The following POM121 variants were observed in gnomAD, a reference collection of about 807,000 sequenced individuals.
POM121 encodes nuclear envelope pore membrane protein POM 121.
Under a neutral mutation model 81.3 loss-of-function variants are expected in POM121, and 32 were observed. That is an observed-to-expected ratio of 0.39 (90% CI 0.30 to 0.53). The LOEUF (loss-of-function observed/expected upper bound fraction) is 0.53, where lower values mean the gene tolerates loss of function less well. Among genes scored for constraint, POM121 ranks in the 20% least tolerant of loss-of-function variants. The probability of loss-of-function intolerance (pLI) is 0.66; values close to 1 mark genes in which losing one functional copy is unlikely to be tolerated. For missense variants in POM121, 1,138 were observed against 1,614.6 expected, an observed-to-expected ratio of 0.70 and a Z score of 5.06; for synonymous variants, 514 against 694.2, an observed-to-expected ratio of 0.74 and a Z score of 4.08.
Position 72,943,027 on chromosome 7 carries a change from C to A in POM121, c.3034C>A (p.Pro1012Thr), listed in dbSNP as rs148845443. 1.2e-6 allele frequency: 2 copies of A among 1,613,670 alleles called. No homozygotes were observed. Among genetic ancestry groups the A allele is most frequent in the African/African-American group, 1.3e-5 (1 of 74,934 alleles). ...GGCTGCTGCACCCACACCTGCACCT[C>A]CGTCCATGATCAAGGTCGTGCCTGC... ...APAAAPTPAPPSMIKVVPAYV... is the reference protein window; with the variant it reads ...APAAAPTPAPTSMIKVVPAYV... Residue 1012 changes from proline (P) to threonine (T), a missense_variant, in exon 11 of 13, where the codon CCG becomes ACG. Around this residue, in one of 7 missense-constraint regions of POM121, gnomAD observed 336 missense variants for 344.3 expected, o/e 0.98. Transcript: ENST00000434423.
intron 4 of POM121, among the ~76,000 whole-genome samples, chr7:72,917,567 T>C (rs1231081241): frequency 1.3e-5 from 2 of 152,298 alleles, no homozygotes; most frequent in African/African-American, 4.8e-5. Context: ...GAAGTCTGTA[T>C]TAGTTTGCTA....
chr7:72,879,991 G>A (rs1586048337), intron 1 of POM121: 2 of 385,342 alleles, frequency 5.2e-6, no homozygotes, highest in East Asian at 8.0e-5. Context: ...ATTGCTTGCC[G>A]GAGAGACATG....
intron 3 of POM121, among the ~76,000 whole-genome samples, chr7:72,898,908 C>T (rs1323263912): frequency 2.0e-5 from 3 of 148,362 alleles, no homozygotes; most frequent in Non-Finnish European, 4.4e-5. Context: ...CTCCGACTGG[C>T]GAGGGTGAGT....
In POM121 at chr7:72,889,303, A is replaced by G. The variant is rs188866271; in HGVS notation, c.-520-1324A>G. 1.2e-4 allele frequency among the ~76,000 whole-genome samples: 19 copies of G among 152,312 alleles called. No homozygotes were observed. In the East Asian group the frequency reaches 3.3e-3, roughly 26 times the overall value. On this transcript the variant is annotated intron_variant, in intron 1 of 15. Coordinates refer to the POM121 transcript ENST00000395270. ...GGCTCTGCCTCTGCTATCTCTTGGG[A>G]TCTACATGGTCCTAGCTGTATCACT...
intron 3 of POM121, among the ~76,000 whole-genome samples, chr7:72,902,080 C>A (rs1251474500): frequency 6.6e-6 from 1 of 150,408 alleles, no homozygotes; most frequent in Non-Finnish European, 1.5e-5. Flanking sequence ...CCATTGCACT[C>A]AAGCTTAGGC....
At chr7:72,917,181 A>G (rs1794366064) in intron 4 of POM121, among the ~76,000 whole-genome samples, 1 of 152,210 alleles carries the variant, frequency 6.6e-6, no homozygotes, top group Non-Finnish European at 1.5e-5. Context: ...TATCATTTTC[A>G]TGTGTGGTCA....
intron 1 of POM121, chr7:72,890,561 T>G: frequency 6.4e-7 from 1 of 1,567,668 alleles, no homozygotes; most frequent in South Asian, 1.1e-5. Flanking sequence ...ACCAGTGAGC[T>G]TTGTAAAATG....
rs781850869 is a variant in POM121, at chr7:72,946,168, G to A, written c.3684G>A (p.Ala1228=). 11 of 1,611,700 alleles carry A rather than the reference G, an allele frequency of 6.8e-6. No homozygotes were observed. The highest frequency in any genetic ancestry group is 6.7e-5 in the Admixed American group (4 of 59,986). The change falls in exon 13 of 13, where the codon GCG becomes GCA. Residue 1228 remains alanine, a synonymous_variant. Coordinates refer to ENST00000434423, the MANE Select transcript of POM121 (RefSeq NM_001387691.1). ...CGGCCCTTTCATTTTCCATTGGTGC[G>A]GGATCCAAGACCCCAGGGGCTCGAC... ...GSAALSFSIG[A]GSKTPGARQR... is the part of the protein sequence containing the mutation.
At chr7:72,936,378 A>G (rs1279028235) in intron 5 of POM121, among the ~76,000 whole-genome samples, 2 of 151,192 alleles carry the variant, frequency 1.3e-5, no homozygotes, top group African/African-American at 4.9e-5. Flanking sequence ...TCTGTCTCCC[A>G]GCCATTCTCC....
intron 4 of POM121, among the ~76,000 whole-genome samples, chr7:72,928,997 T>C (rs1428428814): frequency 6.6e-6 from 1 of 152,234 alleles, no homozygotes; most frequent in African/African-American, 2.4e-5. Flanking sequence ...CTGCCTTCCG[T>C]AGTTCTGCTC....
intron 3 of POM121, among the ~76,000 whole-genome samples, chr7:72,891,506 A>G (rs1241714932): frequency 6.6e-6 from 1 of 152,170 alleles, no homozygotes; most frequent in Admixed American, 6.5e-5. Flanking sequence ...TCCCAGGTTC[A>G]AGCGATTCTC....
chr7:72,932,348 T>C (rs1554498761), intron 5 of POM121, among the ~76,000 whole-genome samples: 1 of 151,630 alleles, frequency 6.6e-6, no homozygotes, highest in Admixed American at 6.6e-5. Flanking sequence ...GTAGACAGTA[T>C]ATACAGATTT....
chr7:72,941,455 C>T lies in POM121; in HGVS notation c.1844-382C>T, dbSNP rs551904969. Among the ~76,000 whole-genome samples, 22 of 148,494 alleles carry T rather than the reference C, an allele frequency of 1.5e-4. No individual in the cohort carries two copies. In the East Asian group the frequency reaches 4.0e-3, roughly 27 times the overall value. ...ATCAGACGGTAACCTGGGGTTCGTA[C>T]GCACCCTCCCTGCTCAAGGGCAGAG... is the stretch of plus-strand genomic sequence containing the variant. On this transcript the variant is annotated intron_variant, in intron 10 of 12. Coordinates refer to ENST00000434423, the MANE Select transcript of POM121 (RefSeq NM_001387691.1).
chr7:72,906,161 A>T (rs1177606004), intron 3 of POM121, among the ~76,000 whole-genome samples: 2 of 152,118 alleles, frequency 1.3e-5, no homozygotes, highest in Non-Finnish European at 2.9e-5. Context: ...GATTTCCTTA[A>T]ATAGGGGGCT....
chr7:72,880,260 C>G (rs1179352935), intron 1 of POM121, among the ~76,000 whole-genome samples: 1 of 152,152 alleles, frequency 6.6e-6, no homozygotes, highest in African/African-American at 2.4e-5. Context: ...CTGGGAGAAT[C>G]GTAGTAATGC....
Position 72,946,624 on chromosome 7 carries a change from G to C in POM121, c.*390G>C. On this transcript the variant is annotated 3_prime_UTR_variant, in exon 13 of 13. Coordinates refer to ENST00000434423, the MANE Select transcript of POM121 (RefSeq NM_001387691.1). ...GGCAGGGTCCAGCCCGCCTGGATCG[G>C]TGGTGTGCACCTGATGGGATTTGGG... The C allele has an allele frequency of 9.9e-7, 1 of 1,012,444 alleles. No homozygotes were observed. Among genetic ancestry groups the C allele is most frequent in the Non-Finnish European group, 1.2e-6 (1 of 847,690 alleles). 62.7% of individuals were successfully genotyped at this position (1,012,444 alleles called of 1,614,324 possible). A position where few individuals can be genotyped will look rare whatever the true frequency, so the allele number is the denominator to read the frequency against.
At chr7:72,927,599 A>G (rs2129578004) in intron 3 of POM121, among the ~76,000 whole-genome samples, 1 of 151,906 alleles carries the variant, frequency 6.6e-6, no homozygotes, top group African/African-American at 2.4e-5. Context: ...GATCCCAGCT[A>G]CTCGGAAGGC....
At position 72,917,110 on chromosome 7, in the gene POM121, A is replaced by C. The variant is rs189183492; in HGVS notation, c.-152+3282A>C. 4.2e-3 allele frequency among the ~76,000 whole-genome samples: 642 copies of C among 152,272 alleles called. 4 individuals are homozygous for C. Among genetic ancestry groups the C allele is most frequent in the Middle Eastern group, 0.017 (5 of 294 alleles). ...GTGTCTGTGAGTGAGTGTGTTTTTAATCATTGAAGGCTGTAGTAGTACATA... is the reference window on the plus strand; with the variant it reads ...GTGTCTGTGAGTGAGTGTGTTTTTACTCATTGAAGGCTGTAGTAGTACATA... On this transcript the variant is annotated intron_variant, in intron 4 of 15. Transcript: ENST00000395270.
intron 1 of POM121, among the ~76,000 whole-genome samples, chr7:72,880,661 A>G (rs1790049705): frequency 6.6e-6 from 1 of 151,912 alleles, no homozygotes; most frequent in East Asian, 1.9e-4. Flanking sequence ...GGCTAGGGCA[A>G]GAGTATCTCT....
Sources: gnomAD v4.1 joint callset for allele counts (sites outside exome capture counted in the v4.1 genomes callset) on GRCh38, gnomAD v4.1.1 for gene constraint, gnomAD v4.1.1 regional missense constraint, MANE v1.5 for transcripts, NCBI Gene and HGNC (gene_info 2026-07-23, HGNC 2026-07-21) for gene names.